The following STXBP5L variants were observed in gnomAD, a reference collection of about 807,000 sequenced individuals.
The protein encoded by STXBP5L is syntaxin-binding protein 5-like.
Under a neutral mutation model 144.5 loss-of-function variants are expected in STXBP5L, and 65 were observed. The ratio of observed to expected loss-of-function variants is 0.45; its 90% CI spans 0.37 to 0.55. STXBP5L has a LOEUF of 0.55. Ranked by LOEUF, STXBP5L falls within the 20% of genes least tolerant of loss-of-function variation. The pLI is 0.00. For synonymous variants in STXBP5L, 505 were observed against 469.6 expected (o/e 1.08, Z -0.97); for missense variants, 1,298 against 1,405.5 (o/e 0.92, Z 1.22).
Position 121,395,721 on chromosome 3 carries a change from G to T in STXBP5L, c.2588-11522G>T, listed in dbSNP as rs538996140. ...TTGTTGAAGGAATACTCACAGCAAT[G>T]GTGATACCGCTATCATAGCTACCAT... On this transcript the variant is annotated intron_variant, in intron 22 of 26. Transcript: ENST00000471454. Among the ~76,000 whole-genome samples, 34 of 152,322 alleles carry T rather than the reference G, an allele frequency of 2.2e-4. 1 individual carries two copies. The East Asian group carries it at 5.8e-3, about 26-fold the overall frequency.
intron 20 of STXBP5L, among the ~76,000 whole-genome samples, chr3:121,323,464 A>G (rs1181423547): frequency 6.6e-6 from 1 of 152,180 alleles, no homozygotes; most frequent in African/African-American, 2.4e-5. Context: ...TTCAGACCTA[A>G]ACATTTTCTT....
chr3:120,963,254 G>T (rs943891617), intron 3 of STXBP5L, among the ~76,000 whole-genome samples: 7 of 152,108 alleles, frequency 4.6e-5, no homozygotes, highest in African/African-American at 9.7e-5. Context: ...TTTCCCAATT[G>T]AATGCCCTTT....
chr3:121,366,818 AT>A (rs140688338), intron 20 of STXBP5L, among the ~76,000 whole-genome samples: 15,317 of 151,670 alleles, frequency 0.1, 1,185 homozygotes, highest in Admixed American at 0.2. Context: ...TTTGTACTCC[AT>A]TTTTTTATTA....
chr3:121,017,749 G>A (rs1296770453), intron 3 of STXBP5L, among the ~76,000 whole-genome samples: 1 of 152,002 alleles, frequency 6.6e-6, no homozygotes, highest in Non-Finnish European at 1.5e-5. Flanking sequence ...ACGAAAATCA[G>A]AAGACTGATG....
chr3:121,180,241 C>T (rs2047089311), intron 9 of STXBP5L, among the ~76,000 whole-genome samples: 1 of 152,192 alleles, frequency 6.6e-6, no homozygotes, highest in Admixed American at 6.5e-5. Flanking sequence ...GCAGATTTGT[C>T]AGCAGAAACT....
intron 19 of STXBP5L, among the ~76,000 whole-genome samples, chr3:121,281,720 C>T (rs2051066001): frequency 6.6e-6 from 1 of 151,876 alleles, no homozygotes; most frequent in Non-Finnish European, 1.5e-5. Context: ...GAGCTTAGAA[C>T]ATTGATGACT....
chr3:121,230,155 A>G (rs1166481002), intron 11 of STXBP5L, among the ~76,000 whole-genome samples: 1 of 152,198 alleles, frequency 6.6e-6, no homozygotes, highest in Non-Finnish European at 1.5e-5. Context: ...AAACTGAGAT[A>G]ATAGACAAAC....
chr3:121,091,820 T>C (rs895977612), intron 5 of STXBP5L, among the ~76,000 whole-genome samples: 6 of 152,320 alleles, frequency 3.9e-5, no homozygotes, highest in African/African-American at 1.4e-4. Flanking sequence ...TTGCCATTGC[T>C]TTTGGTGTTT....
intron 12 of STXBP5L, among the ~76,000 whole-genome samples, chr3:121,237,776 T>C (rs954036195): frequency 1.3e-5 from 2 of 152,232 alleles, no homozygotes; most frequent in Admixed American, 1.3e-4. Context: ...CCAGATACTC[T>C]AGGTCATCGC....
chr3:121,047,317 G>A (rs1947587046), intron 5 of STXBP5L, among the ~76,000 whole-genome samples: 2 of 151,698 alleles, frequency 1.3e-5, no homozygotes, highest in Non-Finnish European at 2.9e-5. Flanking sequence ...ATAAGAAGAT[G>A]GTATATTCTG....
chr3:120,952,528 T>C (rs1376904942), intron 2 of STXBP5L, among the ~76,000 whole-genome samples: 1 of 152,100 alleles, frequency 6.6e-6, no homozygotes, highest in East Asian at 1.9e-4. Flanking sequence ...TATTTCACTT[T>C]TAAGTCCTCA....
intron 9 of STXBP5L, among the ~76,000 whole-genome samples, chr3:121,172,863 A>G (rs1577112539): frequency 6.6e-6 from 1 of 152,228 alleles, no homozygotes; most frequent in South Asian, 2.1e-4. Flanking sequence ...TCATTCTACT[A>G]TAAAGACACA....
At chr3:121,105,198 C>A (rs2043636483) in intron 5 of STXBP5L, among the ~76,000 whole-genome samples, 1 of 151,972 alleles carries the variant, frequency 6.6e-6, no homozygotes, top group African/African-American at 2.4e-5. Flanking sequence ...GAGATGGAGA[C>A]CATCCTGGCC....
At position 120,910,440 on chromosome 3, in the gene STXBP5L, C is replaced by T. The variant is rs576969945; in HGVS notation, c.189+673C>T. ...AGAAGATGAGAGTTTATAAAACAAG[C>T]ATTAGGTTAATGCATAGAGATATTG... On this transcript the variant is annotated intron_variant, in intron 2 of 26. Coordinates refer to ENST00000471454, the MANE Select transcript of STXBP5L (RefSeq NM_001308330.2). 5.3e-5 allele frequency among the ~76,000 whole-genome samples: 8 copies of T among 152,166 alleles called. No individual in the cohort carries two copies. In the South Asian group the frequency reaches 1.7e-3, roughly 32 times the overall value.
At chr3:120,943,853 G>GTA (rs1710698661) in intron 2 of STXBP5L, among the ~76,000 whole-genome samples, 1 of 149,328 alleles carries the variant, frequency 6.7e-6, no homozygotes, top group South Asian at 2.1e-4. Flanking sequence ...TGGATCATTA[G>GTA]TATCTTATAT....
At chr3:121,190,692 C>T (rs1265145346) in intron 9 of STXBP5L, among the ~76,000 whole-genome samples, 4 of 151,880 alleles carry the variant, frequency 2.6e-5, no homozygotes, top group Admixed American at 1.3e-4. Context: ...CTGCCCCCCA[C>T]CTCCCTGACG....
intron 10 of STXBP5L, among the ~76,000 whole-genome samples, chr3:121,220,319 G>GC (rs2108284327): frequency 6.6e-6 from 1 of 151,988 alleles, no homozygotes; most frequent in East Asian, 1.9e-4. Context: ...TTTTATTAAT[G>GC]CTTTCTTTAA....
chr3:121,198,028 G>C (rs531229537), intron 9 of STXBP5L, among the ~76,000 whole-genome samples: 10 of 152,264 alleles, frequency 6.6e-5, no homozygotes, highest in African/African-American at 2.4e-4. Flanking sequence ...GGATTGCTGG[G>C]TCAAATGGTG....
At chr3:120,930,080 TC>T (rs1427862491) in intron 2 of STXBP5L, among the ~76,000 whole-genome samples, 2 of 152,080 alleles carry the variant, frequency 1.3e-5, no homozygotes, top group African/African-American at 2.4e-5. Flanking sequence ...CATATTTTTT[TC>T]TATTGTCAAA....
Sources: allele counts gnomAD v4.1 joint callset (sites outside exome capture counted in the v4.1 genomes callset), GRCh38; gene constraint gnomAD v4.1.1; transcripts MANE v1.5; gene names NCBI Gene and HGNC (gene_info 2026-07-23, HGNC 2026-07-21).